UNC13C: variants seen among roughly 807,000 people sequenced by gnomAD.
UNC13C encodes the protein protein unc-13 homolog C.
UNC13C carries 174 observed loss-of-function variants against 245.4 expected under a neutral mutation model. The ratio of observed to expected loss-of-function variants is 0.71; its 90% CI spans 0.63 to 0.80. The LOEUF is 0.80. UNC13C is among the 30% of genes least tolerant of loss of function. UNC13C has a pLI of 0.00. For synonymous variants in UNC13C, 992 were observed against 895.1 expected (o/e 1.11, Z -1.93); for missense variants, 2,829 against 2,602.9 (o/e 1.09, Z -1.89).
At position 54,015,748 on chromosome 15, in the gene UNC13C, G is replaced by T; in HGVS notation, c.2845G>T (p.Glu949Ter). 3 of 1,613,188 alleles carry T rather than the reference G, an allele frequency of 1.9e-6. No individual in the cohort carries two copies. Among genetic ancestry groups the T allele is most frequent in the Non-Finnish European group, 2.5e-6 (3 of 1,179,524 alleles). ...AACATCAGCTGAGATGGAAATAAGA[G>T]AAGATGAAAACCAAAACATTCCTGA... ...NETSAEMEIREDENQNIPEQP... is the reference protein window; with the variant it reads ...NETSAEMEIR Residue 949 changes from glutamate (E) to a stop codon, truncating the protein, a stop_gained, in exon 2 of 33, where the codon GAA becomes TAA. Transcript: ENST00000260323. LOFTEE classifies it high-confidence loss of function.
At chr15:54,200,058 TA>T (rs1005608545) in intron 4 of UNC13C, among the ~76,000 whole-genome samples, 6 of 147,506 alleles carry the variant, frequency 4.1e-5, no homozygotes, top group African/African-American at 1.5e-4. Flanking sequence ...AAACAAACTT[TA>T]AAGCAATAGC....
chr15:53,945,503 C>T, the UNC13C span, among the ~76,000 whole-genome samples: 13 of 152,110 alleles, frequency 8.5e-5, no homozygotes, highest in Middle Eastern at 3.2e-3. Context: ...AGTGGGGGGT[C>T]CTTTCCCCAT....
intron 30 of UNC13C, among the ~76,000 whole-genome samples, chr15:54,617,966 C>T (rs1900550549): frequency 6.6e-6 from 1 of 152,030 alleles, no homozygotes; most frequent in Non-Finnish European, 1.5e-5. Context: ...TGTCAGAAAC[C>T]TAAGCAATTG....
chr15:53,990,452 A>G (rs920312571), intron 1 of UNC13C, among the ~76,000 whole-genome samples: 1 of 152,034 alleles, frequency 6.6e-6, no homozygotes, highest in African/African-American at 2.4e-5. Context: ...TCTAGCTTCA[A>G]TTGACCTATT....
chr15:54,098,323 T>TGC (rs1899985342), intron 2 of UNC13C, among the ~76,000 whole-genome samples: 2 of 152,108 alleles, frequency 1.3e-5, no homozygotes, highest in African/African-American at 4.8e-5. Context: ...TACAGGCAAG[T>TGC]GCCACCACGC....
chr15:54,271,678 A>G (rs895235481), intron 10 of UNC13C, among the ~76,000 whole-genome samples: 1 of 152,248 alleles, frequency 6.6e-6, no homozygotes, highest in African/African-American at 2.4e-5. Flanking sequence ...GAGGTAGGTC[A>G]TAAAGCTGAT....
intron 13 of UNC13C, among the ~76,000 whole-genome samples, chr15:54,301,813 C>T (rs1056256629): frequency 8.6e-5 from 13 of 151,944 alleles, no homozygotes; most frequent in African/African-American, 2.7e-4. Context: ...TAGTAATGGG[C>T]TTGCTGGGTC....
At chr15:54,135,625 T>C (rs2031688191) in intron 2 of UNC13C, among the ~76,000 whole-genome samples, 1 of 152,214 alleles carries the variant, frequency 6.6e-6, no homozygotes, top group African/African-American at 2.4e-5. Context: ...TGTGGTTTTA[T>C]TTCTGAGCTC....
chr15:54,611,034 C>G (rs1029620733), intron 30 of UNC13C, among the ~76,000 whole-genome samples: 3 of 152,108 alleles, frequency 2.0e-5, no homozygotes, highest in Non-Finnish European at 4.4e-5. Context: ...TGTAGAAAAT[C>G]ACAGGGATAC....
At chr15:54,470,468 T>G (rs979642307) in intron 19 of UNC13C, among the ~76,000 whole-genome samples, 3 of 151,572 alleles carry the variant, frequency 2.0e-5, no homozygotes, top group Non-Finnish European at 4.4e-5. Context: ...TGATTCAGTC[T>G]TGGTAGGTTA....
At chr15:54,138,144 T>G (rs28576798) in intron 2 of UNC13C, among the ~76,000 whole-genome samples, 2,693 of 152,292 alleles carry the variant, frequency 0.018, 85 homozygotes, top group African/African-American at 0.062. Flanking sequence ...ATTTCTACTT[T>G]CAAATATTGT....
At chr15:54,631,646 C>G (rs1227247338), downstream of UNC13C, 1 of 152,110 alleles carries the variant, frequency 6.6e-6, no homozygotes, top group Non-Finnish European at 1.5e-5. Flanking sequence ...GCACAATGCA[C>G]CAGAGATTCA....
At chr15:54,337,102 G>T (rs1279015966) in intron 16 of UNC13C, among the ~76,000 whole-genome samples, 1 of 152,108 alleles carries the variant, frequency 6.6e-6, no homozygotes, top group African/African-American at 2.4e-5. Flanking sequence ...AAAATAATTT[G>T]TCAACATCTC....
the UNC13C span, among the ~76,000 whole-genome samples, chr15:53,866,460 A>C: frequency 1.5e-3 from 229 of 152,332 alleles, 2 homozygotes; most frequent in East Asian, 0.034. Flanking sequence ...GAGATTTAAC[A>C]AGTTTAAATG....
chr15:53,910,887 G>T, the UNC13C span: 1 of 116,752 alleles, frequency 8.6e-6, no homozygotes, highest in African/African-American at 2.6e-5. Context: ...GCGTAGTCAT[G>T]TACCTGACAA....
chr15:53,979,599 T>C (rs1278054720), intron 1 of UNC13C, among the ~76,000 whole-genome samples: 4 of 152,152 alleles, frequency 2.6e-5, no homozygotes, highest in Non-Finnish European at 5.9e-5. Flanking sequence ...ACATCATCAA[T>C]ATACTTGTAT....
At chr15:54,381,512 T>A (rs904233690) in intron 17 of UNC13C, among the ~76,000 whole-genome samples, 1 of 152,156 alleles carries the variant, frequency 6.6e-6, no homozygotes, top group African/African-American at 2.4e-5. Flanking sequence ...ATTTTGATAG[T>A]GATTGCATTG....
intron 19 of UNC13C, among the ~76,000 whole-genome samples, chr15:54,449,972 T>C (rs1008736891): frequency 3.9e-5 from 6 of 152,226 alleles, no homozygotes; most frequent in Non-Finnish European, 8.8e-5. Context: ...CCTTTCTCTT[T>C]GTTAGTTTTC....
chr15:53,952,795 T>C, the UNC13C span, among the ~76,000 whole-genome samples: 1 of 152,222 alleles, frequency 6.6e-6, no homozygotes, highest in Admixed American at 6.5e-5. Flanking sequence ...AGTCCATCCT[T>C]CTTACTTAAA....
Sources: gnomAD v4.1 joint callset for allele counts (sites outside exome capture counted in the v4.1 genomes callset) on GRCh38, gnomAD v4.1.1 for gene constraint, MANE v1.5 for transcripts, NCBI Gene and HGNC (gene_info 2026-07-23, HGNC 2026-07-21) for gene names.